CDC123: variants seen among roughly 807,000 people sequenced by gnomAD.
The protein encoded by CDC123 is translation initiation factor eIF2 assembly protein.
A neutral mutation model predicts 54.4 loss-of-function variants in CDC123; 37 were observed. The observed-to-expected ratio is 0.68, with a 90% CI of 0.52 to 0.89. CDC123 has a LOEUF of 0.89. Ranked by LOEUF, CDC123 falls within the 40% of genes least tolerant of loss-of-function variation. The probability of loss-of-function intolerance (pLI) is 0.00; values close to 1 mark genes in which losing one functional copy is unlikely to be tolerated. For synonymous variants in CDC123, 144 were observed against 136.8 expected (o/e 1.05, Z -0.37); for missense variants, 361 against 412.1 (o/e 0.88, Z 1.07).
intron 4 of CDC123, among the ~76,000 whole-genome samples, chr10:12,212,763 G>T (rs1835619519): frequency 6.6e-6 from 1 of 152,188 alleles, no homozygotes; most frequent in African/African-American, 2.4e-5. Flanking sequence ...AGGGAAAAAT[G>T]AAATTACCTT....
chr10:12,220,836 G>C (rs971994918), intron 6 of CDC123, among the ~76,000 whole-genome samples: 1 of 152,058 alleles, frequency 6.6e-6, no homozygotes, highest in Non-Finnish European at 1.5e-5. Context: ...AATTAGCCGG[G>C]CGTGGTGGCG....
chr10:12,209,010 G>A (rs1427396108), intron 2 of CDC123, among the ~76,000 whole-genome samples: 1 of 152,176 alleles, frequency 6.6e-6, no homozygotes, highest in East Asian at 1.9e-4. Flanking sequence ...TCCATCATCT[G>A]TGTAGACAGG....
At chr10:12,211,848 C>T (rs1045068085) in intron 4 of CDC123, among the ~76,000 whole-genome samples, 22 of 152,144 alleles carry the variant, frequency 1.4e-4, no homozygotes, top group African/African-American at 5.3e-4. Flanking sequence ...GTGGCCGATG[C>T]CTGTAATTCC....
In CDC123 at chr10:12,246,253, T is replaced by A. The variant is rs761608292; in HGVS notation, c.822T>A (p.Phe274Leu). 6.2e-7 allele frequency: 1 copy of A among 1,614,162 alleles called. No homozygotes were observed. Among genetic ancestry groups the A allele is most frequent in the Non-Finnish European group, 8.5e-7 (1 of 1,180,022 alleles). Reference sequence around the variant, plus strand: ...CTGAGAACAACTTAAACGGCGATTTTAGTGAAGTTGACGCTCAAGAGCAGG... The same window carrying A: ...CTGAGAACAACTTAAACGGCGATTTAAGTGAAGTTGACGCTCAAGAGCAGG... ...LISENNLNGD[F>L]SEVDAQEQDS... Residue 274 changes from phenylalanine (F) to leucine (L), a missense_variant, in exon 11 of 13, where the codon TTT becomes TTA. Coordinates refer to ENST00000281141, the MANE Select transcript of CDC123 (RefSeq NM_006023.3).
At chr10:12,226,956 C>T (rs962462921) in intron 6 of CDC123, among the ~76,000 whole-genome samples, 2 of 152,136 alleles carry the variant, frequency 1.3e-5, no homozygotes, top group African/African-American at 2.4e-5. Flanking sequence ...TGCACTCCAG[C>T]CTGGGCAACA....
At chr10:12,226,830 C>T (rs996118588) in intron 6 of CDC123, among the ~76,000 whole-genome samples, 8 of 151,798 alleles carry the variant, frequency 5.3e-5, no homozygotes, top group African/African-American at 1.5e-4. Context: ...CAGGCAGAGA[C>T]GCTCCTTGCT....
intron 11 of CDC123, chr10:12,247,254 T>A: frequency 4.9e-5 from 1 of 20,276 alleles, no homozygotes; most frequent in Non-Finnish European, 1.1e-4. Flanking sequence ...CACCTCCCCC[T>A]CAGGACACTG....
intron 6 of CDC123, among the ~76,000 whole-genome samples, chr10:12,221,239 A>G (rs1835732565): frequency 1.3e-5 from 2 of 149,432 alleles, no homozygotes; most frequent in African/African-American, 4.9e-5. Context: ...GAGCCTGGAG[A>G]TTGGGTATTT....
intron 7 of CDC123, among the ~76,000 whole-genome samples, chr10:12,233,714 GATA>G (rs1257560015): frequency 2.6e-5 from 4 of 151,934 alleles, no homozygotes; most frequent in Non-Finnish European, 5.9e-5. Context: ...TTAAAAAGCA[GATA>G]ATAAGGCTTG....
rs543337462 is a variant in CDC123 at position 12,200,120 on chromosome 10, A to ATTTTTTTTTTTT, written c.146+1356_146+1367dup. Among the ~76,000 whole-genome samples, 56 of 59,366 alleles carry ATTTTTTTTTTTT rather than the reference A, an allele frequency of 9.4e-4. 13 individuals carry two copies. In the East Asian group the frequency reaches 0.012, roughly 13 times the overall value. 38.9% of individuals were successfully genotyped at this position (59,366 alleles called of 152,430 possible). A position where few individuals can be genotyped will look rare whatever the true frequency, so the allele number is the denominator to read the frequency against. On this transcript the variant is annotated intron_variant, in intron 2 of 12. Coordinates refer to ENST00000281141, the MANE Select transcript of CDC123 (RefSeq NM_006023.3). ...ATAGGCCTGAGCCACCGCACTCGGC[A>ATTTTTTTTTTTT]TTTTTTTTTTTTTTTTTTTTTTTAA...
At position 12,217,479 on chromosome 10, in the gene CDC123, T is replaced by C. The variant is rs1421791157; in HGVS notation, c.440+12T>C. 2 of 1,610,506 alleles carry C rather than the reference T, an allele frequency of 1.2e-6. No homozygotes were observed. Among genetic ancestry groups the C allele is most frequent in the East Asian group, 2.2e-5 (1 of 44,814 alleles). On this transcript the variant is annotated intron_variant, in intron 6 of 12. Transcript: ENST00000281141. Reference sequence around the variant, plus strand: ...GACTTCACTCAGCCGTAAGTATCTCTTATTCTCTCATGTCAATAGTTTCAG... The same window carrying C: ...GACTTCACTCAGCCGTAAGTATCTCCTATTCTCTCATGTCAATAGTTTCAG...
chr10:12,249,146 A>T (rs990783843), intron 11 of CDC123, among the ~76,000 whole-genome samples: 4 of 120,954 alleles, frequency 3.3e-5, no homozygotes, highest in African/African-American at 1.2e-4. Context: ...AAAAAAAAAT[A>T]GTTTGGCATG....
Position 12,206,754 on chromosome 10 carries a change from C to G in CDC123, c.147-3213C>G, listed in dbSNP as rs55679703. Among the ~76,000 whole-genome samples the G allele has an allele frequency of 2.5e-3, 373 of 152,118 alleles. 4 individuals carry two copies. The highest frequency in any genetic ancestry group is 3.7e-3 in the Non-Finnish European group (250 of 68,000). On this transcript the variant is annotated intron_variant, in intron 2 of 12. Coordinates refer to ENST00000281141, the MANE Select transcript of CDC123 (RefSeq NM_006023.3). ...AGGGCGGATCACAAGGTCAGGAGAT[C>G]GAGACCATCCTGGCCAACACGGTGA...
intron 6 of CDC123, among the ~76,000 whole-genome samples, chr10:12,228,991 A>T (rs1318895510): frequency 6.6e-6 from 1 of 152,218 alleles, no homozygotes; most frequent in Non-Finnish European, 1.5e-5. Context: ...CTGGGAGTAC[A>T]GGCGTGAGCC....
chr10:12,210,427 A>G (rs1333344842), intron 4 of CDC123, 105 bp downstream of exon 4: 2 of 1,340,422 alleles, frequency 1.5e-6, no homozygotes, highest in Admixed American at 2.4e-5. Context: ...GTCAGTCACC[A>G]TCTCATATAT....
intron 1 of CDC123, among the ~76,000 whole-genome samples, 190 bp downstream of exon 1, chr10:12,196,509 A>G (rs1835349857): frequency 6.6e-6 from 1 of 152,158 alleles, no homozygotes; most frequent in Admixed American, 6.5e-5. Context: ...TAGGAGGGTC[A>G]GTTGTGGTTT....
chr10:12,232,122 C>T (rs567150254), intron 7 of CDC123, among the ~76,000 whole-genome samples: 2 of 152,118 alleles, frequency 1.3e-5, no homozygotes, highest in Non-Finnish European at 2.9e-5. Context: ...GCTGGGATTA[C>T]AGGCGTGAAC....
chr10:12,196,278 C>G lies in CDC123; in HGVS notation c.33C>G (p.Phe11Leu), dbSNP rs762685799. 1 of 1,613,960 alleles carries G rather than the reference C, an allele frequency of 6.2e-7. No homozygotes were observed. The highest frequency in any genetic ancestry group is 1.1e-5 in the South Asian group (1 of 91,076). MKKEHVLHCQ[F>L]SAWYPFFRGV... ...AGGAGCATGTGCTTCACTGCCAGTT[C>G]TCCGCGTGGTACCCGTTCTTCCGAG... Residue 11 changes from phenylalanine to leucine, a missense_variant, in exon 1 of 13, where the codon TTC (phenylalanine) becomes TTG (leucine). By Grantham distance (22) the Phe-to-Leu change is conservative. Coordinates refer to ENST00000281141, the MANE Select transcript of CDC123 (RefSeq NM_006023.3).
chr10:12,241,675 TCAG>T (rs1339316936), intron 10 of CDC123, among the ~76,000 whole-genome samples: 1 of 152,224 alleles, frequency 6.6e-6, no homozygotes, highest in Non-Finnish European at 1.5e-5. Context: ...GAGTTCATCT[TCAG>T]TGAGCTTGTT....
Sources: gnomAD v4.1 joint callset for allele counts (sites outside exome capture counted in the v4.1 genomes callset) on GRCh38, gnomAD v4.1.1 for gene constraint, MANE v1.5 for transcripts, NCBI Gene and HGNC (gene_info 2026-07-23, HGNC 2026-07-21) for gene names.